The following DHX29 variants were observed in gnomAD, a reference collection of about 807,000 sequenced individuals.
The protein encoded by DHX29 is DExH-box helicase 29, also known as ATP-dependent RNA helicase DHX29.
In DHX29, 79 loss-of-function variants were observed where a neutral mutation model predicts 167.9. That is an observed-to-expected ratio of 0.47 (90% CI 0.39 to 0.57). The LOEUF is 0.57. Ranked by LOEUF, DHX29 falls within the 20% of genes least tolerant of loss-of-function variation. DHX29 has a pLI of 0.00. For synonymous variants in DHX29, 530 were observed against 546.0 expected, an observed-to-expected ratio of 0.97 and a Z score of 0.41; for missense variants, 1,347 against 1,593.4, an observed-to-expected ratio of 0.85 and a Z score of 2.63.
At chr5:55,291,119 A>G (rs945395364) in intron 6 of DHX29, among the ~76,000 whole-genome samples, 1 of 152,246 alleles carries the variant, frequency 6.6e-6, no homozygotes, top group African/African-American at 2.4e-5. Flanking sequence ...CTTATGGAAG[A>G]CAGGAAAAAA....
chr5:55,264,616 C>A lies in DHX29; in HGVS notation c.3526-1684G>T, dbSNP rs1427939595. ...GATTATATGAAAAGGACTCAGCAGC[C>A]AACCCAAAGGGGCTCTCACTTCCCA... is the stretch of plus-strand genomic sequence containing the variant. On this transcript the variant is annotated intron_variant, in intron 23 of 26. Transcript: ENST00000251636. Among the ~76,000 whole-genome samples the A allele has an allele frequency of 1.6e-4, 24 of 152,146 alleles. 1 individual carries two copies. Among genetic ancestry groups the A allele is most frequent in the African/African-American group, 5.6e-4 (23 of 41,432 alleles).
intron 1 of DHX29, among the ~76,000 whole-genome samples, chr5:55,305,264 G>A (rs1325377207): frequency 6.6e-6 from 1 of 152,188 alleles, no homozygotes; most frequent in Non-Finnish European, 1.5e-5. Context: ...GAATTCAAAA[G>A]GAAGTTGTTA....
rs1481426030 is a variant in DHX29, at chr5:55,295,469, C to A, written c.561G>T (p.Arg187Ser). ...GTATTTGAGGAGACTGAAATTTAGG[C>A]CTACTTTTAGGTTGCTGCTCTTCAA... The part of the protein sequence containing the change: ...QEFEEQQPKS[R>S]PKFQSPQIQA... Residue 187 changes from arginine (R) to serine (S), a missense_variant, in exon 5 of 27, where the codon AGG becomes AGT. By Grantham distance (110) the Arg-to-Ser change is moderately radical (BLOSUM62 -1). Transcript: ENST00000251636. 3 of 1,613,712 alleles carry A rather than the reference C, an allele frequency of 1.9e-6. No individual in the cohort carries two copies. The highest frequency in any genetic ancestry group is 2.5e-6 in the Non-Finnish European group (3 of 1,179,884).
At chr5:55,264,331 C>T (rs1746450859) in intron 23 of DHX29, among the ~76,000 whole-genome samples, 1 of 152,114 alleles carries the variant, frequency 6.6e-6, no homozygotes, top group Admixed American at 6.6e-5. Context: ...ATGGGCTAAA[C>T]CATCTGGTTT....
At chr5:55,299,939 C>T (rs13153724) in intron 1 of DHX29, among the ~76,000 whole-genome samples, 9,132 of 152,212 alleles carry the variant, frequency 0.06, 488 homozygotes, top group African/African-American at 0.12. Context: ...ACATTATTTT[C>T]AAACTTTTGG....
chr5:55,307,621 C>CCACT lies in DHX29; in HGVS notation c.-52_-49dup. The CCACT allele has an allele frequency of 6.2e-7, 1 of 1,604,374 alleles. No individual in the cohort carries two copies. Among genetic ancestry groups the CCACT allele is most frequent in the East Asian group, 2.2e-5 (1 of 44,844 alleles). On this transcript the variant is annotated 5_prime_UTR_variant, in exon 1 of 27. Transcript: ENST00000251636. The stretch of plus-strand genomic sequence containing the variant: ...CTTCGCGGCCCAGGCCCCGACGGTA[C>CCACT]CACTGCACAGCCGAGAGCTCTTCAC...
intron 24 of DHX29, among the ~76,000 whole-genome samples, chr5:55,261,887 C>T (rs1247912944): frequency 6.6e-6 from 1 of 152,090 alleles, no homozygotes. Flanking sequence ...TCTCGTTTTA[C>T]ATTTAAGTTT....
chr5:55,269,958 A>G (rs113301573), intron 20 of DHX29, among the ~76,000 whole-genome samples: 120 of 152,304 alleles, frequency 7.9e-4, no homozygotes, highest in African/African-American at 2.8e-3. Flanking sequence ...TCAGTCTAAG[A>G]AGACCTTTGT....
intron 8 of DHX29, among the ~76,000 whole-genome samples, chr5:55,287,113 G>A (rs1747772599): frequency 6.6e-6 from 1 of 152,158 alleles, no homozygotes; most frequent in Admixed American, 6.5e-5. Context: ...AAAAGGCAGA[G>A]ACTAGGTTAT....
chr5:55,268,090 G>GATC (rs947820863), intron 21 of DHX29, among the ~76,000 whole-genome samples: 1 of 151,798 alleles, frequency 6.6e-6, no homozygotes, highest in African/African-American at 2.4e-5. Context: ...ACCTTTCTGT[G>GATC]AGGTAAGGAG....
intron 4 of DHX29, among the ~76,000 whole-genome samples, 180 bp from the exon 5 acceptor site, chr5:55,295,704 T>C (rs1748286937): frequency 2.0e-5 from 3 of 152,172 alleles, no homozygotes; most frequent in Admixed American, 2.0e-4. Flanking sequence ...AACCTAGAAG[T>C]GAACGTACTC....
Position 55,256,398 on chromosome 5 carries a change from G to T in DHX29, c.*90C>A. 2 of 1,156,986 alleles carry T rather than the reference G, an allele frequency of 1.7e-6. No homozygotes were observed. The highest frequency in any genetic ancestry group is 2.4e-6 in the Non-Finnish European group (2 of 829,064). The allele number at this position is 1,156,986 out of a possible 1,614,324, so 71.7% of individuals were successfully genotyped here. ...GGCTAGTACCAACATTTTAAGTAAT[G>T]AAATACTTAATGTGATGACCCATTT... is the stretch of plus-strand genomic sequence containing the variant. On this transcript the variant is annotated 3_prime_UTR_variant, in exon 27 of 27. Coordinates refer to ENST00000251636, the MANE Select transcript of DHX29 (RefSeq NM_019030.4).
In DHX29 at chr5:55,298,609, C is replaced by T. The variant is rs544669554; in HGVS notation, c.243G>A (p.Leu81=). ...TACTTACTTTCAAAATAGATTTATC[C>T]AGATTTGCAGGACCACTAGAATCAT... ...STNDSSGPAN[L]DKSILKVVIN... Residue 81 remains leucine, a synonymous_variant, in exon 2 of 27, where the codon CTG becomes CTA. Coordinates refer to ENST00000251636, the MANE Select transcript of DHX29 (RefSeq NM_019030.4). 2.6e-6 allele frequency: 4 copies of T among 1,553,520 alleles called. No individual in the cohort carries two copies. Among genetic ancestry groups the T allele is most frequent in the South Asian group, 2.3e-5 (2 of 88,770 alleles).
chr5:55,290,427 ATC>A, intron 6 of DHX29, 83 bp from the exon 7 acceptor site: 1 of 1,414,404 alleles, frequency 7.1e-7, no homozygotes, highest in Non-Finnish European at 9.4e-7. Context: ...CTGTATCAAA[ATC>A]TGTGATATTT....
At chr5:55,278,253 C>A (rs1747224031) in intron 12 of DHX29, among the ~76,000 whole-genome samples, 1 of 152,092 alleles carries the variant, frequency 6.6e-6, no homozygotes, top group African/African-American at 2.4e-5. Flanking sequence ...TTTAAGGTAG[C>A]ACAAAAGGAT....
intron 12 of DHX29, among the ~76,000 whole-genome samples, chr5:55,279,987 T>C (rs954134194): frequency 1.3e-5 from 2 of 152,076 alleles, no homozygotes; most frequent in African/African-American, 4.8e-5. Context: ...GGAAGCACAC[T>C]AGCAGCCATC....
At chr5:55,277,533 C>G (rs1747178841) in intron 12 of DHX29, among the ~76,000 whole-genome samples, 1 of 116,240 alleles carries the variant, frequency 8.6e-6, no homozygotes, top group African/African-American at 3.7e-5. Context: ...CAGCATGACT[C>G]TACCCTAGGA....
chr5:55,267,607 A>G, intron 22 of DHX29, 79 bp downstream of exon 22: 2 of 1,289,240 alleles, frequency 1.6e-6, no homozygotes, highest in East Asian at 2.5e-5. Flanking sequence ...TACAATTTTA[A>G]TAAGTCAAAG....
intron 11 of DHX29, among the ~76,000 whole-genome samples, chr5:55,282,335 C>T (rs1005321178): frequency 1.3e-5 from 2 of 152,104 alleles, no homozygotes; most frequent in African/African-American, 4.8e-5. Flanking sequence ...GAGTGCCTAG[C>T]GGAATTTTAA....
Sources: gnomAD v4.1 joint callset for allele counts (sites outside exome capture counted in the v4.1 genomes callset) on GRCh38, gnomAD v4.1.1 for gene constraint, MANE v1.5 for transcripts, NCBI Gene and HGNC (gene_info 2026-07-23, HGNC 2026-07-21) for gene names.